The following JCAD variants were observed in gnomAD, a reference collection of about 807,000 sequenced individuals.
The protein encoded by JCAD is junctional cadherin 5-associated protein.
A neutral mutation model predicts 98.0 loss-of-function variants in JCAD; 40 were observed. The observed-to-expected ratio is 0.41, with a 90% confidence interval of 0.32 to 0.53. JCAD has a LOEUF of 0.53. Ranked by LOEUF, JCAD falls within the 20% of genes least tolerant of loss-of-function variation. The pLI is 0.31. For synonymous variants in JCAD, 691 were observed against 682.3 expected, an observed-to-expected ratio of 1.01 and a Z score of -0.20; for missense variants, 1,705 against 1,738.1, an observed-to-expected ratio of 0.98 and a Z score of 0.34.
rs945302196 is a variant in JCAD, at chr10:30,032,468, T to G, written c.282-2602A>C. On this transcript the variant is annotated intron_variant, in intron 2 of 3. Transcript: ENST00000375377. ...CATGAATGATCAGAGACTAGGGCCA[T>G]GTAATAGGGAAAAACCATTAACTGG... 1.3e-5 allele frequency among the ~76,000 whole-genome samples: 2 copies of G among 152,156 alleles called. 1 individual carries two copies. The highest frequency in any genetic ancestry group is 4.1e-4 in the South Asian group (2 of 4,832).
At chr10:30,040,186 G>C (rs916422983) in intron 2 of JCAD, among the ~76,000 whole-genome samples, 2 of 152,212 alleles carry the variant, frequency 1.3e-5, no homozygotes, top group Non-Finnish European at 2.9e-5. Context: ...CCAGGAAAGA[G>C]TGACGTAGCT....
At chr10:30,104,801 TG>T (rs1838541317) in intron 1 of JCAD, among the ~76,000 whole-genome samples, 1 of 152,216 alleles carries the variant, frequency 6.6e-6, no homozygotes, top group African/African-American at 2.4e-5. Flanking sequence ...TTTGTTTGTT[TG>T]TTTGTTTTTT....
intron 1 of JCAD, among the ~76,000 whole-genome samples, chr10:30,090,764 G>A (rs943128140): frequency 6.6e-6 from 1 of 152,156 alleles, no homozygotes; most frequent in African/African-American, 2.4e-5. Flanking sequence ...GTCCTCCCAA[G>A]GTGGAAGGAT....
intron 1 of JCAD, among the ~76,000 whole-genome samples, chr10:30,052,204 ATGAG>A (rs1343899024): frequency 5.9e-5 from 9 of 152,298 alleles, no homozygotes; most frequent in Admixed American, 4.6e-4. Context: ...CGCTGTTGGG[ATGAG>A]TGTCTGTTTC....
chr10:30,015,246 TGAG>T lies in JCAD; in HGVS notation c.*2634_*2636del, dbSNP rs1302775327. 6.6e-6 allele frequency: 1 copy of T among 152,214 alleles called. No individual in the cohort carries two copies. The highest frequency in any genetic ancestry group is 1.5e-5 in the Non-Finnish European group (1 of 68,036). The allele number at this position is 152,214 out of a possible 1,614,324, so 9.4% of individuals were successfully genotyped here. On this transcript the variant is annotated 3_prime_UTR_variant, in exon 4 of 4. Coordinates refer to ENST00000375377, the MANE Select transcript of JCAD (RefSeq NM_020848.4). ...AAACACCAACAGTAAATTGTGTGCA[TGAG>T]AAGAACAAAGACAAATACAAAATAT... is the stretch of plus-strand genomic sequence containing the variant.
chr10:30,086,143 T>G (rs1180277743), intron 1 of JCAD, among the ~76,000 whole-genome samples: 10 of 152,158 alleles, frequency 6.6e-5, no homozygotes, highest in Admixed American at 2.6e-4. Context: ...AAAATTATTT[T>G]TTTAAAGACA....
intron 2 of JCAD, among the ~76,000 whole-genome samples, chr10:30,037,931 A>G (rs1837149830): frequency 8.4e-6 from 1 of 118,594 alleles, no homozygotes; most frequent in Non-Finnish European, 1.7e-5. Context: ...AGAATGGAAA[A>G]ATTAAAAAAA....
chr10:30,110,890 T>C (rs1838686023), intron 1 of JCAD, among the ~76,000 whole-genome samples: 1 of 152,070 alleles, frequency 6.6e-6, no homozygotes, highest in African/African-American at 2.4e-5. Context: ...ATAGACCAGC[T>C]GATGTGTGAA....
Position 30,029,789 on chromosome 10 carries a change from C to A in JCAD, c.359G>T (p.Arg120Leu). 6.2e-7 allele frequency: 1 copy of A among 1,614,232 alleles called. No individual in the cohort carries two copies. Among genetic ancestry groups the A allele is most frequent in the South Asian group, 1.1e-5 (1 of 91,084 alleles). The change falls in exon 3 of 4, where the codon CGG becomes CTG. Residue 120 changes from arginine to leucine, a missense_variant. Physicochemically the swap from Arg to Leu is moderately radical, Grantham distance 102. Around this residue, in one of 3 missense-constraint regions of JCAD, gnomAD observed 275 missense variants for 346.9 expected, o/e 0.79. Transcript: ENST00000375377. ...CGGCTTCTGGCTCCTGGCTTCTTGCCGTCCTCTTCTCCGGTAGGCTTGGTC... is the reference window on the plus strand; with the variant it reads ...CGGCTTCTGGCTCCTGGCTTCTTGCAGTCCTCTTCTCCGGTAGGCTTGGTC... ...GNDQAYRRRG[R>L]QEARSQKPRE... is the part of the protein sequence containing the mutation.
chr10:30,113,192 A>G (rs1838736508), intron 1 of JCAD, among the ~76,000 whole-genome samples: 1 of 152,192 alleles, frequency 6.6e-6, no homozygotes, highest in Non-Finnish European at 1.5e-5. Context: ...AAAGCCTCAC[A>G]AATGAGTGGA....
rs1023413269 is a variant in JCAD at position 30,016,494 on chromosome 10, T to C, written c.*1389A>G. 6 of 152,070 alleles carry C rather than the reference T, an allele frequency of 3.9e-5. No individual in the cohort carries two copies. The highest frequency in any genetic ancestry group is 8.8e-5 in the Non-Finnish European group (6 of 68,020). The allele number at this position is 152,070 out of a possible 1,614,324, so 9.4% of individuals were successfully genotyped here. ...AGAAGGAAAAAAATGCATGAAAAAA[T>C]GCATAAACTTTGTGCAGGTTAATGC... On this transcript the variant is annotated 3_prime_UTR_variant, in exon 4 of 4. Transcript: ENST00000375377.
intron 1 of JCAD, among the ~76,000 whole-genome samples, chr10:30,058,650 C>T (rs563128367): frequency 2.0e-5 from 3 of 152,282 alleles, no homozygotes; most frequent in African/African-American, 7.2e-5. Flanking sequence ...TCGAGGCAAA[C>T]CCTGGCATTT....
intron 1 of JCAD, among the ~76,000 whole-genome samples, chr10:30,089,514 G>A (rs1271983084): frequency 8.5e-5 from 1 of 11,788 alleles, no homozygotes; most frequent in African/African-American, 1.7e-3. Context: ...TGCTTCTTCC[G>A]TGTGTGTGTG....
chr10:30,059,411 G>C lies in JCAD; in HGVS notation c.-60+71C>G, dbSNP rs572648722. On this transcript the variant is annotated intron_variant, in intron 1 of 3. Transcript: ENST00000375377. The surrounding 1 kb of genome is among the most constrained non-coding windows in gnomAD (Gnocchi z 5.0). ...GGGGAGTGCGGGAGGCTGCGGGTGA[G>C]GCCCGCGAAGCGCCGTGGGAGCGGC... 4.4e-3 allele frequency: 674 copies of C among 151,700 alleles called. 7 individuals carry two copies. The South Asian group carries it at 0.047, about 11-fold the overall frequency. The allele number at this position is 151,700 out of a possible 1,614,324, so 9.4% of individuals were successfully genotyped here.
At chr10:30,039,008 C>A (rs1477288404) in intron 2 of JCAD, among the ~76,000 whole-genome samples, 1 of 152,212 alleles carries the variant, frequency 6.6e-6, no homozygotes, top group East Asian at 1.9e-4. Context: ...AAACCCCTAA[C>A]CCCCGACTCA....
At chr10:30,067,429 C>T (rs1024902442) in intron 2 of JCAD, among the ~76,000 whole-genome samples, 13 of 151,972 alleles carry the variant, frequency 8.6e-5, no homozygotes, top group Non-Finnish European at 1.5e-4. Flanking sequence ...CAGGATCAAG[C>T]GATCCTCCTG....
intron 2 of JCAD, among the ~76,000 whole-genome samples, chr10:30,033,233 T>A (rs1690371862): frequency 6.6e-6 from 1 of 152,198 alleles, no homozygotes; most frequent in Non-Finnish European, 1.5e-5. Context: ...GAAAACGCCC[T>A]CAGGTGCTTA....
At chr10:30,096,206 C>G (rs1838366674) in intron 1 of JCAD, among the ~76,000 whole-genome samples, 1 of 152,156 alleles carries the variant, frequency 6.6e-6, no homozygotes, top group Admixed American at 6.5e-5. Context: ...CCCCACCGCC[C>G]CAGGTGCTGG....
chr10:30,058,968 C>T (rs1196721629), intron 1 of JCAD, among the ~76,000 whole-genome samples: 1 of 152,112 alleles, frequency 6.6e-6, no homozygotes, highest in Non-Finnish European at 1.5e-5. Context: ...GTCCAGACGG[C>T]CGGGGCAGCG....
Sources: allele counts gnomAD v4.1 joint callset (sites outside exome capture counted in the v4.1 genomes callset), GRCh38; gene constraint gnomAD v4.1.1; regional missense constraint gnomAD v4.1.1; non-coding constraint Gnocchi (gnomAD v3.1); transcripts MANE v1.5; gene names NCBI Gene and HGNC (gene_info 2026-07-23, HGNC 2026-07-21).